ADAP1: variants seen among roughly 807,000 people sequenced by gnomAD.
ADAP1 encodes arf-GAP with dual PH domain-containing protein 1.
A neutral mutation model predicts 54.9 loss-of-function variants in ADAP1; 31 were observed. The observed-to-expected ratio is 0.56, with a 90% CI of 0.42 to 0.76. The LOEUF is 0.76. ADAP1 is among the 30% of genes least tolerant of loss of function. The pLI is 0.00. For synonymous variants in ADAP1, 313 were observed against 202.6 expected, an observed-to-expected ratio of 1.55 and a Z score of -4.63; for missense variants, 535 against 512.4, an observed-to-expected ratio of 1.04 and a Z score of -0.42.
In ADAP1 at chr7:899,973, G is replaced by C. The variant is rs981052774; in HGVS notation, c.795+129C>G. ...GGGGACCCCGGCCAGGCACAGACAAGGGGCTGTGAGGACCCACCAGACACC... is the reference window on the plus strand; with the variant it reads ...GGGGACCCCGGCCAGGCACAGACAACGGGCTGTGAGGACCCACCAGACACC... On this transcript the variant is annotated intron_variant, in intron 8 of 10. Coordinates refer to ENST00000265846, the MANE Select transcript of ADAP1 (RefSeq NM_006869.4). 2.7e-6 allele frequency: 3 copies of C among 1,127,758 alleles called. 1 individual carries two copies. The Admixed American group carries it at 5.6e-5, about 21-fold the overall frequency. The allele number at this position is 1,127,758 out of a possible 1,614,324, so 69.9% of individuals were successfully genotyped here.
chr7:927,469 T>C (rs1846429362), intron 2 of ADAP1: 1 of 472,940 alleles, frequency 2.1e-6, no homozygotes, highest in East Asian at 7.0e-5. Flanking sequence ...AGCTGCTGTT[T>C]GCACCTTCAA....
chr7:940,443 C>T (rs111355147), intron 1 of ADAP1, among the ~76,000 whole-genome samples: 82 of 151,980 alleles, frequency 5.4e-4, no homozygotes, highest in Non-Finnish European at 1.0e-3. Flanking sequence ...GTGTTGGAGA[C>T]AGGAGCAACA....
Position 918,091 on chromosome 7 carries a change from C to T in ADAP1, c.388+1877G>A, listed in dbSNP as rs112858253. On this transcript the variant is annotated intron_variant, in intron 4 of 10. Coordinates refer to ENST00000265846, the MANE Select transcript of ADAP1 (RefSeq NM_006869.4). ...ACAGGTGTGCGCCAACCGTGCACAGCTAATTTTTGTATTTTTAGTAGAGAC... is the reference window on the plus strand; with the variant it reads ...ACAGGTGTGCGCCAACCGTGCACAGTTAATTTTTGTATTTTTAGTAGAGAC... Among the ~76,000 whole-genome samples the T allele has an allele frequency of 8.6e-3, 1,306 of 152,280 alleles. 22 individuals are homozygous for T. The highest frequency in any genetic ancestry group is 0.029 in the African/African-American group (1,216 of 41,548).
intron 4 of ADAP1, among the ~76,000 whole-genome samples, chr7:912,377 C>G (rs1465361168): frequency 6.6e-6 from 1 of 152,202 alleles, no homozygotes; most frequent in Non-Finnish European, 1.5e-5. Context: ...CAGGGTCACC[C>G]CCAGGGGCAG....
At position 920,875 on chromosome 7, in the gene ADAP1, C is replaced by T; in HGVS notation, c.306-825G>A. The T allele has an allele frequency of 6.5e-7, 1 of 1,550,146 alleles. No individual in the cohort carries two copies. The highest frequency in any genetic ancestry group is 8.7e-7 in the Non-Finnish European group (1 of 1,146,840). The stretch of plus-strand genomic sequence containing the variant: ...CAGGCAGCCGCCCCAGCCTTTTCCA[C>T]TCCCAGGGAATTACGCGGCAAAGAA... On this transcript the variant is annotated intron_variant, in intron 3 of 10. Coordinates refer to ENST00000265846, the MANE Select transcript of ADAP1 (RefSeq NM_006869.4). This position sits in a 1 kb window ranked among gnomAD's most constrained non-coding sequence, Gnocchi z 4.5.
chr7:938,210 G>A lies in ADAP1; in HGVS notation c.83-2705C>T, dbSNP rs1337690153. Among the ~76,000 whole-genome samples the A allele has an allele frequency of 6.6e-6, 1 of 152,122 alleles. No homozygotes were observed. The highest frequency in any genetic ancestry group is 1.5e-5 in the Non-Finnish European group (1 of 68,026). On this transcript the variant is annotated intron_variant, in intron 1 of 10. Coordinates refer to ENST00000265846, the MANE Select transcript of ADAP1 (RefSeq NM_006869.4). The surrounding 1 kb of genome is among the most constrained non-coding windows in gnomAD (Gnocchi z 4.4). ...TTGTTTTGAGACAGGGTCTTGCCCT[G>A]TTGCCCAAGGTGGAGTGCAGTGGTG... is the stretch of plus-strand genomic sequence containing the variant.
In ADAP1 at chr7:946,083, C is replaced by T. The variant is rs1183253573; in HGVS notation, c.82+8313G>A. ...GAGGGTGCCCTTGTGGGAGGGGCTC[C>T]GGTGCCCACCACCCTTCACAGCTAC... On this transcript the variant is annotated intron_variant, in intron 1 of 10. Transcript: ENST00000265846. This position sits in a 1 kb window ranked among gnomAD's most constrained non-coding sequence, Gnocchi z 4.3. Among the ~76,000 whole-genome samples, 3 of 152,212 alleles carry T rather than the reference C, an allele frequency of 2.0e-5. No individual in the cohort carries two copies. The highest frequency in any genetic ancestry group is 6.5e-5 in the Admixed American group (1 of 15,284).
At chr7:952,154 C>G (rs1008357417) in intron 1 of ADAP1, among the ~76,000 whole-genome samples, 12 of 152,118 alleles carry the variant, frequency 7.9e-5, no homozygotes, top group African/African-American at 2.7e-4. Context: ...CCGGGCGAGG[C>G]CCCCTGTTCA....
chr7:907,644 G>T (rs1845528375), intron 4 of ADAP1, among the ~76,000 whole-genome samples: 1 of 152,166 alleles, frequency 6.6e-6, no homozygotes, highest in African/African-American at 2.4e-5. Flanking sequence ...TCCTGCTCTG[G>T]AACTCTGTGT....
intron 3 of ADAP1, chr7:923,076 T>C (rs12381368): frequency 0.022 from 3,267 of 151,952 alleles, 89 homozygotes; most frequent in East Asian, 0.12. Context: ...CACAGACAGG[T>C]ACGCAGGGCC....
intron 1 of ADAP1, among the ~76,000 whole-genome samples, chr7:941,932 T>C (rs973472525): frequency 1.3e-5 from 2 of 152,224 alleles, no homozygotes; most frequent in Non-Finnish European, 2.9e-5. Context: ...TGTGGTGGTG[T>C]TGGCACAAAA....
At chr7:903,326 G>A (rs1392707507) in intron 6 of ADAP1, among the ~76,000 whole-genome samples, 2 of 152,152 alleles carry the variant, frequency 1.3e-5, no homozygotes, top group African/African-American at 4.8e-5. Flanking sequence ...GAAAGAGCTG[G>A]AACCTCTACT....
intron 1 of ADAP1, among the ~76,000 whole-genome samples, chr7:942,345 GGAGAGAGGAAGAGGAAGAGA>G (rs1846963402): frequency 2.2e-5 from 3 of 134,800 alleles, no homozygotes; most frequent in Non-Finnish European, 3.2e-5. Flanking sequence ...GAGGAGGAAG[GGAGAGAGGAAGAGGAAGAGA>G]GAGGAGGAGG....
chr7:911,114 G>A (rs75541055), intron 4 of ADAP1, among the ~76,000 whole-genome samples: 1,976 of 152,288 alleles, frequency 0.013, 39 homozygotes, highest in African/African-American at 0.044. Flanking sequence ...CGTATCCTGC[G>A]GAGGGCTCCA....
intron 3 of ADAP1, among the ~76,000 whole-genome samples, chr7:923,939 C>T (rs1343763225): frequency 6.6e-6 from 1 of 152,120 alleles, no homozygotes; most frequent in East Asian, 1.9e-4. Context: ...GTCCCCTGCC[C>T]ACCTCGCCAG....
At chr7:906,951 G>C (rs1208983482) in intron 4 of ADAP1, among the ~76,000 whole-genome samples, 2 of 152,130 alleles carry the variant, frequency 1.3e-5, no homozygotes, top group Admixed American at 6.5e-5. Context: ...CTGGCCCCCA[G>C]GGACCCTCCC....
Position 920,980 on chromosome 7 carries a change from C to A in ADAP1, c.306-930G>T, listed in dbSNP as rs1327718778. 1.0e-6 allele frequency: 1 copy of A among 998,066 alleles called. No individual in the cohort carries two copies. Among genetic ancestry groups the A allele is most frequent in the East Asian group, 2.6e-5 (1 of 38,018 alleles). The allele number at this position is 998,066 out of a possible 1,614,324, so 61.8% of individuals were successfully genotyped here. A position where few individuals can be genotyped will look rare whatever the true frequency, so the allele number is the denominator to read the frequency against. Reference sequence around the variant, plus strand: ...GGGCGGGAATCCTCGCCCACAGGATCTGATGGGTGATGGGTCCCAGCTGGG... The same window carrying A: ...GGGCGGGAATCCTCGCCCACAGGATATGATGGGTGATGGGTCCCAGCTGGG... On this transcript the variant is annotated intron_variant, in intron 3 of 10. Coordinates refer to ENST00000265846, the MANE Select transcript of ADAP1 (RefSeq NM_006869.4). The surrounding 1 kb of genome is among the most constrained non-coding windows in gnomAD (Gnocchi z 4.5).
chr7:923,722 G>C (rs1024684976), intron 3 of ADAP1, among the ~76,000 whole-genome samples: 24 of 152,170 alleles, frequency 1.6e-4, no homozygotes, highest in African/African-American at 5.6e-4. Flanking sequence ...CATGGCGTGG[G>C]GGGCCTTCCA....
At chr7:921,225 C>T (rs993549947) in intron 3 of ADAP1, among the ~76,000 whole-genome samples, 3 of 152,230 alleles carry the variant, frequency 2.0e-5, no homozygotes, top group East Asian at 1.9e-4. Flanking sequence ...CCCACCTCGG[C>T]GCCGTCCTCA....
Sources: allele counts gnomAD v4.1 joint callset (sites outside exome capture counted in the v4.1 genomes callset), GRCh38; gene constraint gnomAD v4.1.1; non-coding constraint Gnocchi (gnomAD v3.1); transcripts MANE v1.5; gene names NCBI Gene and HGNC (gene_info 2026-07-23, HGNC 2026-07-21).